CLECL1: variants seen among roughly 807,000 people sequenced by gnomAD.
CLECL1 encodes C-type lectin like 1.
chr12:9,733,019 A>G, exon 1 of CLECL1: 4 of 1,614,228 alleles, frequency 2.5e-6, no homozygotes, highest in African/African-American at 1.3e-5. Context: ...CGTAGACTAC[A>G]TCTCCAGCCA....
chr12:9,702,188 G>T, the CLECL1 span, among the ~76,000 whole-genome samples: 1 of 152,190 alleles, frequency 6.6e-6, no homozygotes, highest in African/African-American at 2.4e-5. Flanking sequence ...CAAATTGAAG[G>T]GTAGTGAATG....
At chr12:9,727,016 T>G in intron 3 of CLECL1, among the ~76,000 whole-genome samples, 1 of 151,846 alleles carries the variant, frequency 6.6e-6, no homozygotes, top group South Asian at 2.1e-4. Flanking sequence ...TATAATTGTT[T>G]CTGGATGTTA....
At chr12:9,730,760 G>A (rs1211244536) in intron 1 of CLECL1, among the ~76,000 whole-genome samples, 2 of 151,262 alleles carry the variant, frequency 1.3e-5, no homozygotes, top group Non-Finnish European at 2.9e-5. Context: ...CATGATCACT[G>A]CTCACTGCAA....
the CLECL1 span, among the ~76,000 whole-genome samples, chr12:9,703,019 C>G: frequency 6.6e-6 from 1 of 152,316 alleles, no homozygotes; most frequent in East Asian, 1.9e-4. Context: ...GAAAAATTAT[C>G]TCTACTTATA....
upstream of CLECL1, chr12:9,733,113 A>AAGTT (rs1374597161): frequency 3.1e-6 from 5 of 1,613,928 alleles, no homozygotes; most frequent in Non-Finnish European, 3.4e-6. Flanking sequence ...AACTTCTGAT[A>AAGTT]AGTAAATTGA....
chr12:9,722,473 A>T, downstream of CLECL1: 1 of 1,330,124 alleles, frequency 7.5e-7, no homozygotes, highest in Non-Finnish European at 9.6e-7. Context: ...GCCGGAAAAA[A>T]AAAAAACCTC....
At chr12:9,716,787 G>A (rs1233213357) in intron 2 of CLECL1, 1 of 1,267,464 alleles carries the variant, frequency 7.9e-7, no homozygotes, top group Non-Finnish European at 1.0e-6. Context: ...CTAGATTTGA[G>A]AGGAGAAAGA....
downstream of CLECL1, chr12:9,722,481 C>A (rs1000373077): frequency 1.6e-5 from 20 of 1,264,312 alleles, no homozygotes; most frequent in East Asian, 6.0e-5. Context: ...AAAAAAAAAC[C>A]TCAAAGGTAA....
chr12:9,702,709 C>T, the CLECL1 span, among the ~76,000 whole-genome samples: 1 of 152,164 alleles, frequency 6.6e-6, no homozygotes, highest in African/African-American at 2.4e-5. Flanking sequence ...CCCTTTCTCT[C>T]TTATGTAAAA....
At chr12:9,731,925 C>T (rs1403237734) in intron 1 of CLECL1, among the ~76,000 whole-genome samples, 1 of 152,074 alleles carries the variant, frequency 6.6e-6, no homozygotes, top group South Asian at 2.1e-4. Context: ...ATTTTTGAAG[C>T]ATAGGGGAAT....
chr12:9,704,117 T>C, the CLECL1 span: 13 of 152,240 alleles, frequency 8.5e-5, no homozygotes, highest in Non-Finnish European at 1.3e-4. Flanking sequence ...ACATATCTTG[T>C]ATTTTCTTTA....
chr12:9,703,034 A>G, the CLECL1 span, among the ~76,000 whole-genome samples: 2 of 152,366 alleles, frequency 1.3e-5, no homozygotes, highest in South Asian at 4.1e-4. Context: ...CTTATAATAA[A>G]CAGAAATCCT....
chr12:9,726,124 T>C (rs759320247), intron 3 of CLECL1, among the ~76,000 whole-genome samples: 51 of 152,118 alleles, frequency 3.4e-4, no homozygotes, highest in African/African-American at 1.2e-3. Context: ...AATCATCAAA[T>C]ATTTCAGGAA....
the CLECL1 span, among the ~76,000 whole-genome samples, chr12:9,706,597 C>T: frequency 7.2e-5 from 11 of 152,168 alleles, no homozygotes; most frequent in African/African-American, 2.4e-4. Context: ...GCCTTTTCTG[C>T]ATTTACTGAG....
rs143102270 is a variant in CLECL1 at position 9,726,102 on chromosome 12, C to T, written n.262+1463G>A. Among the ~76,000 whole-genome samples, 226 of 151,990 alleles carry T rather than the reference C, an allele frequency of 1.5e-3. 1 individual carries two copies. Among genetic ancestry groups the T allele is most frequent in the Middle Eastern group, 6.8e-3 (2 of 294 alleles). On this transcript the variant is annotated intron_variant and non_coding_transcript_variant, in intron 3 of 3. Coordinates refer to ENST00000621400, the Ensembl canonical transcript of CLECL1. ...TATGAATCCCGTTATTGAGGTCAAC[C>T]AAATTTTTAAAAATCATCAAATATT...
chr12:9,712,524 C>T (rs1866207549), downstream of CLECL1, among the ~76,000 whole-genome samples: 2 of 152,180 alleles, frequency 1.3e-5, no homozygotes, highest in Non-Finnish European at 2.9e-5. Context: ...TCTTTACAAT[C>T]CGTATGCCTT....
the CLECL1 span, among the ~76,000 whole-genome samples, chr12:9,710,510 G>A: frequency 6.6e-6 from 1 of 152,114 alleles, no homozygotes; most frequent in Non-Finnish European, 1.5e-5. Context: ...GCTAGTCCTG[G>A]CTAGGGCTCC....
chr12:9,733,945 T>G (rs1866485772), upstream of CLECL1, among the ~76,000 whole-genome samples: 1 of 152,122 alleles, frequency 6.6e-6, no homozygotes, highest in East Asian at 1.9e-4. Context: ...TGATCATTGA[T>G]GAAGAAGTAA....
At chr12:9,723,482 GC>G (rs1334921124) in intron 3 of CLECL1, among the ~76,000 whole-genome samples, 1 of 151,892 alleles carries the variant, frequency 6.6e-6, no homozygotes, top group South Asian at 2.1e-4. Flanking sequence ...ATGACCTGAA[GC>G]CATTGAAGAG....
Sources: gnomAD v4.1 joint callset for allele counts (sites outside exome capture counted in the v4.1 genomes callset) on GRCh38, gnomAD v4.1.1 for gene constraint, MANE v1.5 for transcripts, NCBI Gene and HGNC (gene_info 2026-07-23, HGNC 2026-07-21) for gene names.